The following STX7 variants were observed in gnomAD, a reference collection of about 807,000 sequenced individuals.
STX7 encodes the protein syntaxin-7.
Under a neutral mutation model 39.6 loss-of-function variants are expected in STX7, and 34 were observed. That is an observed-to-expected ratio of 0.86 (90% CI 0.65 to 1.14). The LOEUF (loss-of-function observed/expected upper bound fraction) is 1.14. STX7 is among the 50% of genes most tolerant of loss of function. The pLI is 0.00. For missense variants in STX7, 284 were observed against 310.4 expected (o/e 0.92, Z 0.64); for synonymous variants, 119 against 99.1 (o/e 1.20, Z -1.19).
At chr6:132,497,369 G>A (rs762356224) in intron 2 of STX7, among the ~76,000 whole-genome samples, 1 of 152,112 alleles carries the variant, frequency 6.6e-6, no homozygotes, top group Non-Finnish European at 1.5e-5. Flanking sequence ...ATTAATCAAT[G>A]ATGTTAACAA....
chr6:132,462,028 C>A (rs1191640618), intron 9 of STX7, among the ~76,000 whole-genome samples: 1 of 152,232 alleles, frequency 6.6e-6, no homozygotes, highest in African/African-American at 2.4e-5. Context: ...ACGTATCAAA[C>A]ACAATTTCTC....
At chr6:132,470,359 T>C (rs1389102200) in intron 6 of STX7, among the ~76,000 whole-genome samples, 1 of 152,126 alleles carries the variant, frequency 6.6e-6, no homozygotes, top group African/African-American at 2.4e-5. Flanking sequence ...AATAATTAAG[T>C]CCATAAACAT....
intron 1 of STX7, among the ~76,000 whole-genome samples, chr6:132,508,649 A>G (rs1453915376): frequency 6.6e-6 from 1 of 152,110 alleles, no homozygotes; most frequent in Non-Finnish European, 1.5e-5. Context: ...AGCTGGGTCC[A>G]CAGGCACCTG....
At position 132,505,757 on chromosome 6, in the gene STX7, A is replaced by AAC. The variant is rs1554252683; in HGVS notation, c.-58-2170_-58-2169insGT. ...AGTCACTTAAAAAAAAAAAAAAAAAAAAAAAAACACAGGTTTTGAATAGCC... is the reference window on the plus strand; with the variant it reads ...AGTCACTTAAAAAAAAAAAAAAAAAAACAAAAAAACACAGGTTTTGAATAGCC... On this transcript the variant is annotated intron_variant, in intron 1 of 9. Coordinates refer to ENST00000367941, the MANE Select transcript of STX7 (RefSeq NM_003569.3). 1.0e-3 allele frequency among the ~76,000 whole-genome samples: 149 copies of AAC among 145,006 alleles called. 1 individual carries two copies. The highest frequency in any genetic ancestry group is 7.0e-3 in the Middle Eastern group (2 of 284).
At position 132,453,105 on chromosome 6, in the gene STX7, C is replaced by T. The variant is rs1196614920; in HGVS notation, c.*7653G>A. On this transcript the variant is annotated 3_prime_UTR_variant, in exon 10 of 10. Coordinates refer to ENST00000367941, the MANE Select transcript of STX7 (RefSeq NM_003569.3). ...TTCTCATTAACTCATTTTTGCTCAA[C>T]TGATTTTTGACAGAGGTGCAAAAAC... The T allele has an allele frequency of 2.0e-5, 3 of 152,088 alleles. No individual in the cohort carries two copies. Among genetic ancestry groups the T allele is most frequent in the Non-Finnish European group, 4.4e-5 (3 of 67,972 alleles). 9.4% of individuals were successfully genotyped at this position (152,088 alleles called of 1,614,324 possible).
At chr6:132,469,483 T>C (rs1028599389) in intron 7 of STX7, among the ~76,000 whole-genome samples, 1 of 152,160 alleles carries the variant, frequency 6.6e-6, no homozygotes, top group Non-Finnish European at 1.5e-5. Flanking sequence ...AATATTATTT[T>C]TTTAAAAAAG....
chr6:132,490,425 CGGTAGAAGCAT>C (rs1160291013), intron 2 of STX7, among the ~76,000 whole-genome samples: 1 of 152,200 alleles, frequency 6.6e-6, no homozygotes, highest in East Asian at 1.9e-4. Flanking sequence ...TATAGAAACA[CGGTAGAAGCAT>C]GTTTCTGAAT....
chr6:132,454,917 T>C lies in STX7; in HGVS notation c.*5841A>G, dbSNP rs1407426230. The C allele has an allele frequency of 6.6e-6, 1 of 152,194 alleles. No individual in the cohort carries two copies. The highest frequency in any genetic ancestry group is 2.4e-5 in the African/African-American group (1 of 41,458). 9.4% of individuals were successfully genotyped at this position (152,194 alleles called of 1,614,324 possible). Reference sequence around the variant, plus strand: ...TAGTACTTAAATGTTAAAACTATGATAACCTTTATGAGGCTGAACATTAAA... The same window carrying C: ...TAGTACTTAAATGTTAAAACTATGACAACCTTTATGAGGCTGAACATTAAA... On this transcript the variant is annotated 3_prime_UTR_variant, in exon 10 of 10. Coordinates refer to ENST00000367941, the MANE Select transcript of STX7 (RefSeq NM_003569.3).
rs112348808 is a variant in STX7 at position 132,507,867 on chromosome 6, G to A, written c.-58-4279C>T. 9.8e-3 allele frequency among the ~76,000 whole-genome samples: 1,493 copies of A among 152,230 alleles called. 10 individuals are homozygous for A. The highest frequency in any genetic ancestry group is 0.014 in the Non-Finnish European group (940 of 68,018). On this transcript the variant is annotated intron_variant, in intron 1 of 9. Coordinates refer to ENST00000367941, the MANE Select transcript of STX7 (RefSeq NM_003569.3). Reference sequence around the variant, plus strand: ...TCTGGGGATGCTCCTCCATATACATGGTTCCATTTTAATCTATACCTGAAT... The same window carrying A: ...TCTGGGGATGCTCCTCCATATACATAGTTCCATTTTAATCTATACCTGAAT...
chr6:132,483,463 T>G (rs77000614), intron 2 of STX7, among the ~76,000 whole-genome samples: 3,553 of 152,262 alleles, frequency 0.023, 125 homozygotes, highest in African/African-American at 0.08. Context: ...GTCACAAAAT[T>G]TCCATTGAAC....
At chr6:132,494,387 T>C (rs1248556784) in intron 2 of STX7, among the ~76,000 whole-genome samples, 1 of 151,896 alleles carries the variant, frequency 6.6e-6, no homozygotes, top group Non-Finnish European at 1.5e-5. Context: ...AAAAAATAAG[T>C]AAACAATAAT....
chr6:132,453,247 T>C lies in STX7; in HGVS notation c.*7511A>G, dbSNP rs1305848187. On this transcript the variant is annotated 3_prime_UTR_variant, in exon 10 of 10. Coordinates refer to ENST00000367941, the MANE Select transcript of STX7 (RefSeq NM_003569.3). ...CTAAGTCTCACATTTTATACAAAAT[T>C]AACTGAAAATGGAATATAGACTTAA... is the stretch of plus-strand genomic sequence containing the variant. 4 of 152,090 alleles carry C rather than the reference T, an allele frequency of 2.6e-5. No individual in the cohort carries two copies. Among genetic ancestry groups the C allele is most frequent in the East Asian group, 1.9e-4 (1 of 5,174 alleles). The allele number at this position is 152,090 out of a possible 1,614,324, so 9.4% of individuals were successfully genotyped here.
chr6:132,493,279 T>C (rs1222416231), intron 2 of STX7, among the ~76,000 whole-genome samples: 1 of 152,226 alleles, frequency 6.6e-6, no homozygotes, highest in Non-Finnish European at 1.5e-5. Context: ...GGCACACCAA[T>C]TAACAATTGC....
chr6:132,473,549 C>T (rs574112773), intron 3 of STX7, among the ~76,000 whole-genome samples: 1 of 104,458 alleles, frequency 9.6e-6, no homozygotes, highest in East Asian at 4.0e-4. Flanking sequence ...ATATTTTTGA[C>T]CTGCAGTTGG....
chr6:132,482,914 C>G (rs549924777), intron 2 of STX7, among the ~76,000 whole-genome samples: 1 of 151,888 alleles, frequency 6.6e-6, no homozygotes, highest in South Asian at 2.1e-4. Flanking sequence ...AGCCTGAAAC[C>G]TGGTTTTGTA....
chr6:132,460,979 T>G (rs915655877), intron 9 of STX7, 129 bp from the exon 10 acceptor site: 20 of 672,274 alleles, frequency 3.0e-5, no homozygotes, highest in Non-Finnish European at 4.3e-5. Flanking sequence ...TGCCCTCAAA[T>G]TTTTGACTGT....
intron 2 of STX7, among the ~76,000 whole-genome samples, chr6:132,502,244 A>G (rs1775583239): frequency 6.6e-6 from 1 of 152,222 alleles, no homozygotes; most frequent in Admixed American, 6.5e-5. Flanking sequence ...TGATTAGATA[A>G]AGAAACAGAG....
Position 132,506,811 on chromosome 6 carries a change from C to A in STX7, c.-58-3223G>T, listed in dbSNP as rs540228748. ...GTATCTACCCAAAAGAAAAAAAAAA[C>A]CATTATACCAAAAAGATAATCTGCA... is the stretch of plus-strand genomic sequence containing the variant. On this transcript the variant is annotated intron_variant, in intron 1 of 9. Transcript: ENST00000367941. Among the ~76,000 whole-genome samples, 19 of 151,814 alleles carry A rather than the reference C, an allele frequency of 1.3e-4. No individual in the cohort carries two copies. The South Asian group carries it at 3.5e-3, about 28-fold the overall frequency.
At chr6:132,508,806 C>T (rs1029008199) in intron 1 of STX7, among the ~76,000 whole-genome samples, 2 of 152,120 alleles carry the variant, frequency 1.3e-5, no homozygotes, top group Admixed American at 6.5e-5. Context: ...GCCACTGTAT[C>T]TAGCCAGGAA....
Sources: gnomAD v4.1 joint callset for allele counts (sites outside exome capture counted in the v4.1 genomes callset) on GRCh38, gnomAD v4.1.1 for gene constraint, MANE v1.5 for transcripts, NCBI Gene and HGNC (gene_info 2026-07-23, HGNC 2026-07-21) for gene names.